PIAS1: variants seen among roughly 807,000 people sequenced by gnomAD.
PIAS1 encodes protein inhibitor of activated STAT 1.
A neutral mutation model predicts 71.3 loss-of-function variants in PIAS1; 6 were observed. The ratio of observed to expected loss-of-function variants is 0.08; its 90% CI spans 0.05 to 0.17. PIAS1 has a LOEUF of 0.17. Among genes scored for constraint, PIAS1 ranks in the 10% least tolerant of loss-of-function variants. The probability of loss-of-function intolerance (pLI) is 1.00; values close to 1 mark genes in which losing one functional copy is unlikely to be tolerated. For missense variants in PIAS1, 555 were observed against 793.6 expected (o/e 0.70, Z 3.61); for synonymous variants, 303 against 292.9 (o/e 1.03, Z -0.35).
At chr15:68,181,385 T>C in intron 12 of PIAS1, 31 bp downstream of exon 12, 1 of 1,603,908 alleles carries the variant, frequency 6.2e-7, no homozygotes. Context: ...CATTGTCACA[T>C]AGCATTATGA....
At chr15:68,062,631 A>C (rs187841841) in intron 1 of PIAS1, among the ~76,000 whole-genome samples, 1 of 152,302 alleles carries the variant, frequency 6.6e-6, no homozygotes, top group African/African-American at 2.4e-5. Context: ...AAAATATGTC[A>C]CTTTTTGTGT....
At position 68,088,176 on chromosome 15, in the gene PIAS1, G is replaced by GTATGTATATATATATATATATATATA. The variant is rs1555424823; in HGVS notation, c.469+1429_469+1430insGTATATATATATATATATATATATAT. On this transcript the variant is annotated intron_variant, in intron 2 of 13. Coordinates refer to ENST00000249636, the MANE Select transcript of PIAS1 (RefSeq NM_016166.3). ...TTCTTGTCTGTCTGATTATGTGTGT[G>GTATGTATATATATATATATATATATA]TATATATATATATATATATATATAT... Among the ~76,000 whole-genome samples the GTATGTATATATATATATATATATATA allele has an allele frequency of 3.7e-4, 27 of 72,992 alleles. 1 individual carries two copies. Among genetic ancestry groups the GTATGTATATATATATATATATATATA allele is most frequent in the African/African-American group, 1.5e-3 (24 of 16,138 alleles). The allele number at this position is 72,992 out of a possible 152,430, so 47.9% of individuals were successfully genotyped here.
chr15:68,060,901 C>T (rs2091951792), intron 1 of PIAS1, among the ~76,000 whole-genome samples: 2 of 152,222 alleles, frequency 1.3e-5, no homozygotes, highest in Non-Finnish European at 2.9e-5. Flanking sequence ...CCAGGTTGGT[C>T]TCTATCTCTT....
chr15:68,165,972 T>C (rs1406383096), intron 8 of PIAS1, among the ~76,000 whole-genome samples: 1 of 152,178 alleles, frequency 6.6e-6, no homozygotes, highest in Non-Finnish European at 1.5e-5. Context: ...AGTTACTGTA[T>C]TCTTAAAGAA....
chr15:68,150,813 A>G (rs2092838599), intron 6 of PIAS1, among the ~76,000 whole-genome samples: 1 of 152,106 alleles, frequency 6.6e-6, no homozygotes, highest in South Asian at 2.1e-4. Context: ...CAGACTTCAG[A>G]TTTTCAGATT....
At chr15:68,091,009 G>A (rs11853546) in intron 2 of PIAS1, among the ~76,000 whole-genome samples, 3,230 of 148,304 alleles carry the variant, frequency 0.022, 118 homozygotes, top group African/African-American at 0.075. Context: ...ACTAGCTCAC[G>A]TAACCTGGCA....
At chr15:68,059,943 T>C (rs1443754347) in intron 1 of PIAS1, among the ~76,000 whole-genome samples, 1 of 152,146 alleles carries the variant, frequency 6.6e-6, no homozygotes, top group African/African-American at 2.4e-5. Flanking sequence ...GCTAAAATGT[T>C]GTCAGTGAAA....
intron 6 of PIAS1, among the ~76,000 whole-genome samples, chr15:68,149,326 CTTTTTTTTT>C (rs562772014): frequency 1.6e-5 from 2 of 127,542 alleles, no homozygotes; most frequent in African/African-American, 5.7e-5. Context: ...TCCTGCATTA[CTTTTTTTTT>C]TTTTTTTTTT....
In PIAS1 at chr15:68,188,359, GT is replaced by G. The variant is rs2093101459; in HGVS notation, c.*526del. On this transcript the variant is annotated 3_prime_UTR_variant, in exon 14 of 14. Coordinates refer to ENST00000249636, the MANE Select transcript of PIAS1 (RefSeq NM_016166.3). ...GTGTGCATATTTTATCCAGCCTTAAGTTATAAAGCTCATCTGTCCCGCTGCA... is the reference window on the plus strand; with the variant it reads ...GTGTGCATATTTTATCCAGCCTTAAGTATAAAGCTCATCTGTCCCGCTGCA... 1 of 155,550 alleles carries G rather than the reference GT, an allele frequency of 6.4e-6. No individual in the cohort carries two copies. The highest frequency in any genetic ancestry group is 2.4e-5 in the African/African-American group (1 of 41,424). 9.6% of individuals were successfully genotyped at this position (155,550 alleles called of 1,614,324 possible). A position where few individuals can be genotyped will look rare whatever the true frequency, so the allele number is the denominator to read the frequency against.
chr15:68,131,244 CTTT>C (rs2092686000), intron 2 of PIAS1, among the ~76,000 whole-genome samples: 1 of 151,988 alleles, frequency 6.6e-6, no homozygotes. Flanking sequence ...CAACAGACAG[CTTT>C]ATATTTATTT....
At chr15:68,181,843 C>A in intron 12 of PIAS1, 1 of 155,638 alleles carries the variant, frequency 6.4e-6, no homozygotes, top group Admixed American at 6.2e-5. Flanking sequence ...CCACACCAGG[C>A]TAATGTTTTA....
At chr15:68,093,735 A>G (rs746041502) in intron 2 of PIAS1, among the ~76,000 whole-genome samples, 7 of 152,214 alleles carry the variant, frequency 4.6e-5, no homozygotes, top group Admixed American at 1.3e-4. Flanking sequence ...GTTTTTTATC[A>G]TACAGTTGTA....
At chr15:68,161,080 A>C (rs942934392) in intron 7 of PIAS1, among the ~76,000 whole-genome samples, 1 of 152,262 alleles carries the variant, frequency 6.6e-6, no homozygotes, top group Non-Finnish European at 1.5e-5. Flanking sequence ...CAAAAAAGCT[A>C]CTAGAAATAC....
Position 68,174,498 on chromosome 15 carries a change from AAAAC to A in PIAS1, c.1169+610_1169+613del, listed in dbSNP as rs1165065872. Among the ~76,000 whole-genome samples, 16 of 152,150 alleles carry A rather than the reference AAAAC, an allele frequency of 1.1e-4. No homozygotes were observed. The highest frequency in any genetic ancestry group is 2.2e-4 in the Non-Finnish European group (15 of 68,020). On this transcript the variant is annotated intron_variant, in intron 9 of 13. Coordinates refer to ENST00000249636, the MANE Select transcript of PIAS1 (RefSeq NM_016166.3). The surrounding 1 kb of genome is among the most constrained non-coding windows in gnomAD (Gnocchi z 4.0). ...TCCTCCTGCTTTTTGCCACTAAACA[AAAAC>A]AAATTGTGAAAAGGAGGACATCTCC... is the stretch of plus-strand genomic sequence containing the variant.
At chr15:68,123,398 A>C (rs1035005205) in intron 2 of PIAS1, among the ~76,000 whole-genome samples, 1 of 152,156 alleles carries the variant, frequency 6.6e-6, no homozygotes, top group Non-Finnish European at 1.5e-5. Flanking sequence ...ACACAGAGAC[A>C]CACAAAGTTA....
At chr15:68,127,753 T>C (rs1218581176) in intron 2 of PIAS1, among the ~76,000 whole-genome samples, 1 of 152,152 alleles carries the variant, frequency 6.6e-6, no homozygotes, top group Non-Finnish European at 1.5e-5. Context: ...GTTTTCATTT[T>C]ATTTTATTTA....
chr15:68,069,082 G>A (rs1256029369), intron 1 of PIAS1, among the ~76,000 whole-genome samples: 2 of 151,250 alleles, frequency 1.3e-5, no homozygotes, highest in African/African-American at 2.4e-5. Context: ...TTTTAGTAGA[G>A]ACGGGGTTTC....
chr15:68,189,985 G>A lies in PIAS1; in HGVS notation c.*2150G>A, dbSNP rs1441929634. ...AGGAAACATTTTTACTAATTCAGCT[G>A]TCTTAGGTAAAATGAATAGTTTTCT... On this transcript the variant is annotated 3_prime_UTR_variant, in exon 14 of 14. Transcript: ENST00000249636. 6.6e-6 allele frequency: 1 copy of A among 152,188 alleles called. No individual in the cohort carries two copies. The highest frequency in any genetic ancestry group is 1.5e-5 in the Non-Finnish European group (1 of 68,032). 9.4% of individuals were successfully genotyped at this position (152,188 alleles called of 1,614,324 possible).
intron 2 of PIAS1, among the ~76,000 whole-genome samples, chr15:68,141,679 G>C (rs1399633253): frequency 6.6e-6 from 1 of 152,048 alleles, no homozygotes; most frequent in Non-Finnish European, 1.5e-5. Flanking sequence ...TATATGATTA[G>C]ATAAATTTTC....
Sources: gnomAD v4.1 joint callset for allele counts (sites outside exome capture counted in the v4.1 genomes callset) on GRCh38, gnomAD v4.1.1 for gene constraint, Gnocchi (gnomAD v3.1) non-coding constraint, MANE v1.5 for transcripts, NCBI Gene and HGNC (gene_info 2026-07-23, HGNC 2026-07-21) for gene names.